Variants in FAM162B observed in about 807,000 individuals in gnomAD.
FAM162B encodes the protein protein FAM162B.
FAM162B carries 16 observed loss-of-function variants against 20.0 expected under a neutral mutation model. The observed-to-expected ratio is 0.80, with a 90% CI of 0.54 to 1.21. The LOEUF (loss-of-function observed/expected upper bound fraction) is 1.21, where lower values mean the gene tolerates loss of function less well. FAM162B is among the 50% of genes most tolerant of loss of function. The probability of loss-of-function intolerance (pLI) is 0.00; values close to 1 mark genes in which losing one functional copy is unlikely to be tolerated. For missense variants in FAM162B, 260 were observed against 227.5 expected (o/e 1.14, Z -0.92); for synonymous variants, 83 against 89.7 (o/e 0.93, Z 0.42).
intron 2 of FAM162B, 86 bp downstream of exon 2, chr6:116,765,061 T>G (rs1771881279): frequency 7.6e-7 from 1 of 1,324,328 alleles, no homozygotes; most frequent in South Asian, 1.2e-5. Context: ...CTTTCGCTCC[T>G]AGGTGGCCGC....
At chr6:116,752,799 G>A (rs1780008295) in intron 3 of FAM162B, 104 bp from the exon 4 acceptor site, 1 of 276,738 alleles carries the variant, frequency 3.6e-6, no homozygotes, top group East Asian at 9.4e-5. Context: ...TCTGGAAACT[G>A]GAAAAATTTG....
chr6:116,753,298 A>G (rs374340501), intron 3 of FAM162B, among the ~76,000 whole-genome samples: 1 of 152,124 alleles, frequency 6.6e-6, no homozygotes, highest in East Asian at 1.9e-4. Context: ...ATCTGCCACA[A>G]TTTCTTTAAG....
chr6:116,764,504 G>A lies in FAM162B; in HGVS notation c.281+643C>T, dbSNP rs915230372. On this transcript the variant is annotated intron_variant, in intron 2 of 3. Transcript: ENST00000368557. Reference sequence around the variant, plus strand: ...CAGGTTACATTACCTTAGAGGGGGAGTTATTAGTTTGAGTTTTATCATCTG... The same window carrying A: ...CAGGTTACATTACCTTAGAGGGGGAATTATTAGTTTGAGTTTTATCATCTG... 1.6e-3 allele frequency among the ~76,000 whole-genome samples: 243 copies of A among 152,130 alleles called. 2 individuals carry two copies. The highest frequency in any genetic ancestry group is 4.3e-4 in the Non-Finnish European group (29 of 67,988).
At chr6:116,763,397 G>GT (rs1458151006) in intron 2 of FAM162B, among the ~76,000 whole-genome samples, 1 of 152,130 alleles carries the variant, frequency 6.6e-6, no homozygotes, top group Non-Finnish European at 1.5e-5. Context: ...TGTTTACATT[G>GT]TAAGTGTGAC....
intron 3 of FAM162B, among the ~76,000 whole-genome samples, chr6:116,754,425 A>T (rs1412696750): frequency 1.3e-5 from 2 of 152,214 alleles, no homozygotes; most frequent in Non-Finnish European, 2.9e-5. Flanking sequence ...CGTTGTGTCA[A>T]ACTGAGTCTA....
chr6:116,760,179 T>C (rs1398827711), intron 3 of FAM162B, among the ~76,000 whole-genome samples: 1 of 152,214 alleles, frequency 6.6e-6, no homozygotes, highest in Non-Finnish European at 1.5e-5. Flanking sequence ...TTAAAATCAG[T>C]GTTTGCTATC....
At chr6:116,761,390 C>T (rs760506176) in intron 3 of FAM162B, among the ~76,000 whole-genome samples, 18 of 151,974 alleles carry the variant, frequency 1.2e-4, no homozygotes, top group Non-Finnish European at 8.8e-5. Flanking sequence ...GCATTTCTAA[C>T]TAGTTCATAC....
At chr6:116,755,084 G>T (rs985041858) in intron 3 of FAM162B, among the ~76,000 whole-genome samples, 1 of 152,052 alleles carries the variant, frequency 6.6e-6, no homozygotes, top group African/African-American at 2.4e-5. Context: ...GCCTCTACAT[G>T]TTCAAGTAAA....
intron 3 of FAM162B, 22 bp from the exon 4 acceptor site, chr6:116,752,717 T>A: frequency 2.7e-6 from 1 of 373,754 alleles, no homozygotes; most frequent in Non-Finnish European, 4.1e-6. Context: ...AAGAAATATA[T>A]ATATATATAT....
Position 116,752,556 on chromosome 6 carries a change from A to G in FAM162B, c.*41T>C. 9.1e-7 allele frequency: 1 copy of G among 1,099,214 alleles called. No homozygotes were observed. Among genetic ancestry groups the G allele is most frequent in the South Asian group, 1.8e-5 (1 of 54,594 alleles). 68.1% of individuals were successfully genotyped at this position (1,099,214 alleles called of 1,614,324 possible). A position where few individuals can be genotyped will look rare whatever the true frequency, so the allele number is the denominator to read the frequency against. ...TTCCCATCTTCTACTGTTGCTGATGACAGGGATGGTATTCAGGTGAACACT... is the reference window on the plus strand; with the variant it reads ...TTCCCATCTTCTACTGTTGCTGATGGCAGGGATGGTATTCAGGTGAACACT... On this transcript the variant is annotated 3_prime_UTR_variant, in exon 4 of 4. Coordinates refer to ENST00000368557, the MANE Select transcript of FAM162B (RefSeq NM_001085480.3).
At chr6:116,756,608 A>G (rs1018306934) in intron 3 of FAM162B, among the ~76,000 whole-genome samples, 5 of 152,216 alleles carry the variant, frequency 3.3e-5, no homozygotes, top group Non-Finnish European at 4.4e-5. Flanking sequence ...AATGCTGTCA[A>G]ACAGCATTGC....
chr6:116,759,894 T>C (rs648248), intron 3 of FAM162B, among the ~76,000 whole-genome samples: 56,000 of 151,910 alleles, frequency 0.37, 10,296 homozygotes, highest in Middle Eastern at 0.56. Context: ...CCCGGTCTTC[T>C]CATGGCTAGC....
chr6:116,761,841 A>G, intron 3 of FAM162B, 136 bp downstream of exon 3: 1 of 553,948 alleles, frequency 1.8e-6, no homozygotes, highest in Middle Eastern at 2.8e-4. Context: ...AACAATGTCC[A>G]TGACATTTCT....
At chr6:116,757,183 C>G (rs934006081) in intron 3 of FAM162B, among the ~76,000 whole-genome samples, 3 of 152,126 alleles carry the variant, frequency 2.0e-5, no homozygotes, top group Non-Finnish European at 4.4e-5. Flanking sequence ...AAAGCTTTGG[C>G]ATAGTTGGTG....
chr6:116,755,317 AAAG>A (rs145414402), intron 3 of FAM162B, among the ~76,000 whole-genome samples: 8,942 of 152,282 alleles, frequency 0.059, 344 homozygotes, highest in African/African-American at 0.11. Context: ...AGTGGTCTGG[AAAG>A]AAGATCAAAC....
At position 116,765,461 on chromosome 6, in the gene FAM162B, C is replaced by A; in HGVS notation, c.116G>T (p.Gly39Val). ...CCCGCCGCTGGAGTAGCAGGGGAGA[C>A]CCCGGGGCGGAAGAGCCGGTGCGGG... ...RRPAPALPPR[G>V]LPCYSSGGAP... Residue 39 changes from glycine to valine, a missense_variant, in exon 1 of 4, where the codon GGT (glycine) becomes GTT (valine). Transcript: ENST00000368557. 7.0e-7 allele frequency: 1 copy of A among 1,428,734 alleles called. No homozygotes were observed. The highest frequency in any genetic ancestry group is 9.1e-7 in the Non-Finnish European group (1 of 1,093,136). The allele number at this position is 1,428,734 out of a possible 1,614,324, so 88.5% of individuals were successfully genotyped here.
intron 2 of FAM162B, among the ~76,000 whole-genome samples, chr6:116,762,847 C>T (rs75025208): frequency 0.031 from 4,721 of 152,012 alleles, 141 homozygotes; most frequent in Non-Finnish European, 0.047. Context: ...GGGACTTTTA[C>T]GTTGAAATAA....
intron 3 of FAM162B, among the ~76,000 whole-genome samples, chr6:116,758,112 C>T (rs961669078): frequency 6.6e-6 from 1 of 152,082 alleles, no homozygotes; most frequent in Non-Finnish European, 1.5e-5. Flanking sequence ...CTTGAAAAGG[C>T]AAAATGGAAT....
intron 3 of FAM162B, among the ~76,000 whole-genome samples, chr6:116,758,265 G>T (rs1030116818): frequency 3.3e-5 from 5 of 152,166 alleles, no homozygotes; most frequent in Non-Finnish European, 5.9e-5. Context: ...GAGGTGGAAG[G>T]AAAGGTCATC....
Sources: allele counts gnomAD v4.1 joint callset (sites outside exome capture counted in the v4.1 genomes callset), GRCh38; gene constraint gnomAD v4.1.1; transcripts MANE v1.5; gene names NCBI Gene and HGNC (gene_info 2026-07-23, HGNC 2026-07-21).